The following FRMD4B variants were observed in gnomAD, a reference collection of about 807,000 sequenced individuals.
FRMD4B encodes the protein FERM domain containing 4B, also known as FERM domain-containing protein 4B.
A neutral mutation model predicts 141.5 loss-of-function variants in FRMD4B; 74 were observed. That is an observed-to-expected ratio of 0.52 (90% CI 0.43 to 0.63). The LOEUF (loss-of-function observed/expected upper bound fraction) is 0.63, where lower values mean the gene tolerates loss of function less well. Among genes scored for constraint, FRMD4B ranks in the 30% least tolerant of loss-of-function variants. The probability of loss-of-function intolerance (pLI) is 0.00; values close to 1 mark genes in which losing one functional copy is unlikely to be tolerated. For synonymous variants in FRMD4B, 506 were observed against 467.9 expected (o/e 1.08, Z -1.05); for missense variants, 1,366 against 1,253.4 (o/e 1.09, Z -1.36).
chr3:69,250,209 A>C, intron 5 of FRMD4B, 110 bp from the exon 6 acceptor site: 1 of 799,694 alleles, frequency 1.3e-6, no homozygotes, highest in Non-Finnish European at 2.3e-6. Flanking sequence ...GTTTACGATC[A>C]AATGCAGATC....
At chr3:69,369,297 T>C (rs1703760131) in intron 1 of FRMD4B, among the ~76,000 whole-genome samples, 4 of 152,208 alleles carry the variant, frequency 2.6e-5, no homozygotes, top group Admixed American at 2.0e-4. Flanking sequence ...CACATATTTA[T>C]TTCTTCATAG....
intron 1 of FRMD4B, among the ~76,000 whole-genome samples, chr3:69,506,561 G>A (rs1464631524): frequency 6.6e-6 from 1 of 151,542 alleles, no homozygotes; most frequent in African/African-American, 2.4e-5. Flanking sequence ...TTTGAGACAG[G>A]ATCTCGTTTT....
At chr3:69,436,063 C>T (rs936201755) in intron 1 of FRMD4B, among the ~76,000 whole-genome samples, 1 of 152,180 alleles carries the variant, frequency 6.6e-6, no homozygotes. Flanking sequence ...GTTACCACCT[C>T]CTACTCACTT....
intron 19 of FRMD4B, among the ~76,000 whole-genome samples, chr3:69,183,474 ATTTTTTTT>A (rs771537044): frequency 1.8e-5 from 2 of 113,252 alleles, no homozygotes; most frequent in East Asian, 3.4e-4. Flanking sequence ...TTAGAAGTTA[ATTTTTTTT>A]TTTTTTTTTT....
At chr3:69,452,903 T>A (rs1366186347) in intron 1 of FRMD4B, among the ~76,000 whole-genome samples, 4 of 152,220 alleles carry the variant, frequency 2.6e-5, no homozygotes, top group African/African-American at 9.6e-5. Flanking sequence ...TAACCCAACA[T>A]AGCCAAAACA....
intron 2 of FRMD4B, among the ~76,000 whole-genome samples, chr3:69,425,805 T>A (rs552925180): frequency 1.3e-5 from 2 of 152,288 alleles, no homozygotes; most frequent in South Asian, 4.1e-4. Flanking sequence ...AATTAGTAAC[T>A]CTCCAAAGAT....
At chr3:69,204,182 T>C (rs969288767) in intron 11 of FRMD4B, among the ~76,000 whole-genome samples, 1 of 152,044 alleles carries the variant, frequency 6.6e-6, no homozygotes, top group African/African-American at 2.4e-5. Context: ...TGTCCCAGCA[T>C]GTACAAAAAT....
At chr3:69,541,894 G>A (rs1701191720) in intron 1 of FRMD4B, among the ~76,000 whole-genome samples, 1 of 151,888 alleles carries the variant, frequency 6.6e-6, no homozygotes, top group Admixed American at 6.6e-5. Context: ...ACCGAAGCAC[G>A]CGGTCCCCGG....
Position 69,325,973 on chromosome 3 carries a change from T to G in FRMD4B, c.163-12456A>C, listed in dbSNP as rs146083122. 5.4e-4 allele frequency among the ~76,000 whole-genome samples: 75 copies of G among 139,662 alleles called. 1 individual carries two copies. The highest frequency in any genetic ancestry group is 7.2e-3 in the Middle Eastern group (2 of 278). 91.6% of individuals were successfully genotyped at this position (139,662 alleles called of 152,430 possible). A position where few individuals can be genotyped will look rare whatever the true frequency, so the allele number is the denominator to read the frequency against. On this transcript the variant is annotated intron_variant, in intron 1 of 22. Coordinates refer to ENST00000398540, the MANE Select transcript of FRMD4B (RefSeq NM_015123.3). ...AAAGTTTTCCTAGATTATTATTATT[T>G]GAGACAAGGTCTCTCTCTCTATCAC...
At chr3:69,253,179 T>A (rs1186268186) in intron 5 of FRMD4B, among the ~76,000 whole-genome samples, 4 of 143,566 alleles carry the variant, frequency 2.8e-5, no homozygotes, top group Non-Finnish European at 6.0e-5. Flanking sequence ...AAAATATGAT[T>A]CCTATTTTTT....
At position 69,189,969 on chromosome 3, in the gene FRMD4B, CT is replaced by C. The variant is rs1271784294; in HGVS notation, c.1715-18del. ...TTATGTCTTCTGTGAATAAAAATAACTGCCTTTAGTACAATTGTGCATTTAT... is the reference window on the plus strand; with the variant it reads ...TTATGTCTTCTGTGAATAAAAATAACGCCTTTAGTACAATTGTGCATTTAT... On this transcript the variant is annotated intron_variant, in intron 17 of 22. Transcript: ENST00000398540. The C allele has an allele frequency of 1.3e-5, 19 of 1,501,168 alleles. No homozygotes were observed. Among genetic ancestry groups the C allele is most frequent in the African/African-American group, 5.5e-5 (4 of 72,480 alleles). 93.0% of individuals were successfully genotyped at this position (1,501,168 alleles called of 1,614,324 possible). A position where few individuals can be genotyped will look rare whatever the true frequency, so the allele number is the denominator to read the frequency against.
At chr3:69,378,336 T>G (rs1382651085) in intron 1 of FRMD4B, among the ~76,000 whole-genome samples, 2 of 152,172 alleles carry the variant, frequency 1.3e-5, no homozygotes, top group African/African-American at 2.4e-5. Flanking sequence ...ATGAGCCACT[T>G]AGAGGCCAAG....
intron 21 of FRMD4B, among the ~76,000 whole-genome samples, chr3:69,178,051 A>G (rs1311868720): frequency 1.3e-5 from 2 of 152,218 alleles, no homozygotes; most frequent in African/African-American, 4.8e-5. Context: ...AGCCCAACAA[A>G]TGCCTCATCA....
chr3:69,207,372 A>G (rs1484693280), intron 11 of FRMD4B, among the ~76,000 whole-genome samples: 1 of 151,906 alleles, frequency 6.6e-6, no homozygotes, highest in East Asian at 1.9e-4. Flanking sequence ...TCTTCATAGA[A>G]CTATTTTTTA....
rs140807404 is a variant in FRMD4B at position 69,401,065 on chromosome 3, A to T, written c.-1+31569T>A. On this transcript the variant is annotated intron_variant, in intron 2 of 5. Coordinates refer to the FRMD4B transcript ENST00000459638. ...ATGGTTTTAGAGAAGATAAATAATT[A>T]AAATAAATAATTTAAGATACACAGC... Among the ~76,000 whole-genome samples the T allele has an allele frequency of 7.2e-4, 110 of 152,358 alleles. 1 individual carries two copies. Among genetic ancestry groups the T allele is most frequent in the African/African-American group, 2.5e-3 (106 of 41,580 alleles).
chr3:69,291,821 G>C (rs77056916), intron 4 of FRMD4B, among the ~76,000 whole-genome samples: 1 of 151,866 alleles, frequency 6.6e-6, no homozygotes, highest in East Asian at 1.9e-4. Flanking sequence ...GTTAGCCACA[G>C]GTAGTTCTGT....
intron 3 of FRMD4B, among the ~76,000 whole-genome samples, chr3:69,310,864 C>A (rs531040524): frequency 4.2e-4 from 64 of 152,212 alleles, no homozygotes; most frequent in South Asian, 3.9e-3. Context: ...TAGTGGGCCA[C>A]AAATTTGCCT....
At chr3:69,456,060 C>T (rs1705604568) in intron 1 of FRMD4B, among the ~76,000 whole-genome samples, 1 of 152,182 alleles carries the variant, frequency 6.6e-6, no homozygotes, top group Non-Finnish European at 1.5e-5. Context: ...CAGTTAATAA[C>T]TGGTGCCGAG....
chr3:69,505,114 A>G (rs567347704), intron 1 of FRMD4B, among the ~76,000 whole-genome samples: 1 of 152,322 alleles, frequency 6.6e-6, no homozygotes, highest in African/African-American at 2.4e-5. Context: ...TTATGCCTAT[A>G]ATCCCAGCAT....
Sources: allele counts gnomAD v4.1 joint callset (sites outside exome capture counted in the v4.1 genomes callset), GRCh38; gene constraint gnomAD v4.1.1; transcripts MANE v1.5; gene names NCBI Gene and HGNC (gene_info 2026-07-23, HGNC 2026-07-21).